PHACTR1: variants seen among roughly 807,000 people sequenced by gnomAD.
The protein encoded by PHACTR1 is RPEL repeat containing 1.
PHACTR1 carries 16 observed loss-of-function variants against 69.2 expected under a neutral mutation model. That is an observed-to-expected ratio of 0.23 (90% CI 0.16 to 0.35). PHACTR1 has a LOEUF of 0.35. PHACTR1 is among the 10% of genes least tolerant of loss of function. The probability of loss-of-function intolerance (pLI) is 1.00; values close to 1 mark genes in which losing one functional copy is unlikely to be tolerated. For synonymous variants in PHACTR1, 312 were observed against 284.5 expected (o/e 1.10, Z -0.97); for missense variants, 510 against 734.7 (o/e 0.69, Z 3.54).
Position 13,190,201 on chromosome 6 carries a change from T to TTTTTTTTTTGTA in PHACTR1, c.664+7524_664+7525insGTATTTTTTTTT, listed in dbSNP as rs1303970980. ...ACTATGCTCAGCTAATTTTTGTATTTTTTTTTTTTTTTTAGTAGAGGTGGG... is the reference window on the plus strand; with the variant it reads ...ACTATGCTCAGCTAATTTTTGTATTTTTTTTTTTTGTATTTTTTTTTTTTTAGTAGAGGTGGG... On this transcript the variant is annotated intron_variant, in intron 7 of 14. Transcript: ENST00000332995. Among the ~76,000 whole-genome samples, 635 of 135,410 alleles carry TTTTTTTTTTGTA rather than the reference T, an allele frequency of 4.7e-3. 25 individuals carry two copies. The highest frequency in any genetic ancestry group is 0.017 in the African/African-American group (579 of 34,792). The allele number at this position is 135,410 out of a possible 152,430, so 88.8% of individuals were successfully genotyped here.
intron 5 of PHACTR1, among the ~76,000 whole-genome samples, chr6:13,109,833 C>CGT (rs58370068): frequency 0.12 from 17,785 of 146,044 alleles, 1,537 homozygotes; most frequent in African/African-American, 0.24. Context: ...ATTTTTTCAG[C>CGT]GTGTGTGTGT....
intron 10 of PHACTR1, among the ~76,000 whole-genome samples, chr6:13,264,127 AAAG>A (rs1474428148): frequency 6.6e-6 from 1 of 152,254 alleles, no homozygotes; most frequent in Non-Finnish European, 1.5e-5. Context: ...TCTCAACTTG[AAAG>A]AATAAGCAAA....
chr6:13,270,810 ATAAATAAAAGAGG>A (rs1777544033), intron 10 of PHACTR1, among the ~76,000 whole-genome samples: 1 of 152,142 alleles, frequency 6.6e-6, no homozygotes, highest in South Asian at 2.1e-4. Context: ...TGTGTAATTT[ATAAATAAAAGAGG>A]TTTAATTGGC....
At chr6:12,730,721 T>C (rs1237137607) in intron 3 of PHACTR1, among the ~76,000 whole-genome samples, 1 of 152,166 alleles carries the variant, frequency 6.6e-6, no homozygotes, top group African/African-American at 2.4e-5. Flanking sequence ...CTAGTACCCA[T>C]TTGTTATTTT....
chr6:12,889,695 G>A (rs1783974595), intron 4 of PHACTR1, among the ~76,000 whole-genome samples: 1 of 151,368 alleles, frequency 6.6e-6, no homozygotes, highest in Admixed American at 6.6e-5. Flanking sequence ...CTTGAAATTT[G>A]ATTAGAGCAA....
chr6:13,269,945 A>G (rs995446366), intron 10 of PHACTR1, among the ~76,000 whole-genome samples: 2 of 152,220 alleles, frequency 1.3e-5, no homozygotes, highest in Admixed American at 6.5e-5. Flanking sequence ...GCAATTCTCC[A>G]GCAGACATGA....
chr6:13,004,827 T>G (rs1798585109), intron 4 of PHACTR1, among the ~76,000 whole-genome samples: 1 of 152,188 alleles, frequency 6.6e-6, no homozygotes, highest in Non-Finnish European at 1.5e-5. Flanking sequence ...TATAGCTTTG[T>G]GCAACTTCCT....
chr6:13,190,592 C>T (rs1033067620), intron 7 of PHACTR1, among the ~76,000 whole-genome samples: 3 of 151,908 alleles, frequency 2.0e-5, no homozygotes, highest in South Asian at 2.1e-4. Context: ...TCAGTTGGGT[C>T]GGGTTTCAAA....
intron 6 of PHACTR1, among the ~76,000 whole-genome samples, chr6:13,181,793 C>A (rs1227037166): frequency 6.6e-6 from 1 of 152,142 alleles, no homozygotes; most frequent in South Asian, 2.1e-4. Flanking sequence ...GACCTTGGTG[C>A]GTGTTGAATG....
chr6:13,041,296 A>G (rs1804094043), intron 4 of PHACTR1, among the ~76,000 whole-genome samples: 1 of 151,314 alleles, frequency 6.6e-6, no homozygotes, highest in South Asian at 2.1e-4. Flanking sequence ...AGTAATAATC[A>G]AAACAAGTCC....
chr6:13,286,663 T>C (rs1484339768), intron 14 of PHACTR1, among the ~76,000 whole-genome samples: 1 of 152,238 alleles, frequency 6.6e-6, no homozygotes, highest in Non-Finnish European at 1.5e-5. Context: ...CATGATGATA[T>C]TTGGGAAAAC....
At position 13,227,995 on chromosome 6, in the gene PHACTR1, C is replaced by A. The variant is rs1770087222; in HGVS notation, c.1166C>A (p.Ser389Tyr). 6.2e-7 allele frequency: 1 copy of A among 1,613,866 alleles called. No homozygotes were observed. The highest frequency in any genetic ancestry group is 8.5e-7 in the Non-Finnish European group (1 of 1,179,896). ...VPHESDYEDSSCLYTREEEEE... is the reference protein window; with the variant it reads ...VPHESDYEDSYCLYTREEEEE... The stretch of plus-strand genomic sequence containing the variant: ...CATGAGTCAGACTACGAAGACTCTT[C>A]TTGCCTGTATACAAGAGAAGAGGAG... Residue 389 changes from serine (S) to tyrosine (Y), a missense_variant, in exon 9 of 15, where the codon TCT (serine) becomes TAT (tyrosine). Ser to Tyr is a moderately radical substitution (Grantham distance 144, BLOSUM62 -2). Around this residue, in one of 2 missense-constraint regions of PHACTR1, gnomAD observed 419 missense variants for 530.9 expected, o/e 0.79. Transcript: ENST00000332995.
At chr6:13,084,950 A>G (rs144508637) in intron 5 of PHACTR1, among the ~76,000 whole-genome samples, 1 of 152,140 alleles carries the variant, frequency 6.6e-6, no homozygotes, top group Non-Finnish European at 1.5e-5. Flanking sequence ...GAAAACGCTA[A>G]GAAAATTATG....
chr6:12,728,600 T>C (rs1238983877), intron 3 of PHACTR1, among the ~76,000 whole-genome samples: 8 of 152,108 alleles, frequency 5.3e-5, no homozygotes, highest in Non-Finnish European at 1.0e-4. Context: ...GCCTCACCTT[T>C]CCCTTTTGAA....
At chr6:12,800,458 T>C (rs12530186) in intron 4 of PHACTR1, among the ~76,000 whole-genome samples, 55,875 of 152,148 alleles carry the variant, frequency 0.37, 11,018 homozygotes, top group African/African-American at 0.49. Flanking sequence ...TGATTTTATG[T>C]CTCATTGTAT....
chr6:12,805,388 C>G (rs149003711), intron 4 of PHACTR1, among the ~76,000 whole-genome samples: 32 of 152,260 alleles, frequency 2.1e-4, no homozygotes, highest in African/African-American at 6.7e-4. Context: ...GTTTGTGTAG[C>G]TTTAAATTCT....
intron 10 of PHACTR1, among the ~76,000 whole-genome samples, chr6:13,255,602 A>C (rs1048742110): frequency 6.6e-6 from 1 of 152,232 alleles, no homozygotes; most frequent in Admixed American, 6.5e-5. Context: ...GCATTGGGTA[A>C]ATACTTCCAT....
At chr6:12,785,659 A>G (rs756309347) in intron 4 of PHACTR1, among the ~76,000 whole-genome samples, 14 of 152,226 alleles carry the variant, frequency 9.2e-5, no homozygotes, top group African/African-American at 3.4e-4. Context: ...GAAACTGGAC[A>G]TCGTAGAAAA....
chr6:12,798,755 T>A (rs1773371108), intron 4 of PHACTR1, among the ~76,000 whole-genome samples: 1 of 152,210 alleles, frequency 6.6e-6, no homozygotes, highest in Admixed American at 6.5e-5. Flanking sequence ...AGTATAGCTT[T>A]CAATTGGCTT....
Sources: gnomAD v4.1 joint callset for allele counts (sites outside exome capture counted in the v4.1 genomes callset) on GRCh38, gnomAD v4.1.1 for gene constraint, gnomAD v4.1.1 regional missense constraint, MANE v1.5 for transcripts, NCBI Gene and HGNC (gene_info 2026-07-23, HGNC 2026-07-21) for gene names.